The following DPP10 variants were observed in gnomAD, a reference collection of about 807,000 sequenced individuals.
DPP10 encodes dipeptidyl peptidase like 10.
A neutral mutation model predicts 120.9 loss-of-function variants in DPP10; 33 were observed. The observed-to-expected ratio is 0.27, with a 90% confidence interval of 0.21 to 0.37. The LOEUF is 0.37. DPP10 is among the 10% of genes least tolerant of loss of function. The pLI is 1.00. For missense variants in DPP10, 816 were observed against 942.8 expected, an observed-to-expected ratio of 0.87 and a Z score of 1.76; for synonymous variants, 337 against 326.1, an observed-to-expected ratio of 1.03 and a Z score of -0.36.
At chr2:115,797,032 C>T (rs959166450) in intron 19 of DPP10, among the ~76,000 whole-genome samples, 3 of 152,042 alleles carry the variant, frequency 2.0e-5, no homozygotes, top group Non-Finnish European at 4.4e-5. Context: ...TGACTTGAAT[C>T]AGAAGAGGCT....
intron 1 of DPP10, among the ~76,000 whole-genome samples, chr2:114,902,326 A>T (rs777143526): frequency 6.6e-6 from 1 of 152,186 alleles, no homozygotes; most frequent in Non-Finnish European, 1.5e-5. Flanking sequence ...CATTTATTGA[A>T]GAACTGTCTC....
chr2:114,796,978 T>C (rs535657107), intron 1 of DPP10, among the ~76,000 whole-genome samples: 21 of 152,156 alleles, frequency 1.4e-4, no homozygotes, highest in Non-Finnish European at 2.4e-4. Flanking sequence ...GGTTTGATCA[T>C]AGAACTCTAC....
At chr2:115,476,390 C>T (rs1293095290) in intron 3 of DPP10, among the ~76,000 whole-genome samples, 1 of 152,036 alleles carries the variant, frequency 6.6e-6, no homozygotes, top group African/African-American at 2.4e-5. Flanking sequence ...AAAGTAGAAG[C>T]CACTATACTT....
intron 1 of DPP10, among the ~76,000 whole-genome samples, chr2:114,535,564 T>C (rs1018934969): frequency 7.9e-5 from 12 of 152,224 alleles, no homozygotes; most frequent in Non-Finnish European, 1.8e-4. Flanking sequence ...AACCAGCGAA[T>C]GTTCCTTAAC....
chr2:114,543,786 C>T (rs749714270), intron 1 of DPP10, among the ~76,000 whole-genome samples: 1 of 151,898 alleles, frequency 6.6e-6, no homozygotes, highest in Non-Finnish European at 1.5e-5. Context: ...AGAAACTGCC[C>T]AGCATCTGCT....
At chr2:114,512,744 G>A (rs1361977467) in intron 1 of DPP10, among the ~76,000 whole-genome samples, 1 of 152,196 alleles carries the variant, frequency 6.6e-6, no homozygotes, top group Non-Finnish European at 1.5e-5. Context: ...AGCATATTTA[G>A]AACTGGATTT....
At chr2:115,366,400 TCTTTA>T (rs1447662119) in intron 3 of DPP10, among the ~76,000 whole-genome samples, 2 of 152,124 alleles carry the variant, frequency 1.3e-5, no homozygotes, top group Non-Finnish European at 2.9e-5. Flanking sequence ...TATTCCTTCT[TCTTTA>T]CTTTATTATA....
chr2:115,788,892 GGA>G (rs1484041535), intron 17 of DPP10, among the ~76,000 whole-genome samples: 1 of 152,116 alleles, frequency 6.6e-6, no homozygotes. Context: ...CGAGGCGGGT[GGA>G]GATCGTGAGG....
chr2:114,456,344 G>C (rs966178069), intron 1 of DPP10, among the ~76,000 whole-genome samples: 6 of 152,222 alleles, frequency 3.9e-5, no homozygotes, highest in African/African-American at 1.4e-4. Context: ...CACAAATCTG[G>C]ATGACCAGTG....
At chr2:114,752,367 T>C (rs1170843484) in intron 1 of DPP10, among the ~76,000 whole-genome samples, 1 of 152,094 alleles carries the variant, frequency 6.6e-6, no homozygotes, top group Non-Finnish European at 1.5e-5. Flanking sequence ...TTTTAGACAC[T>C]GAAATTCTAT....
chr2:115,029,204 G>A (rs1703674313), intron 1 of DPP10, among the ~76,000 whole-genome samples: 1 of 151,342 alleles, frequency 6.6e-6, no homozygotes, highest in Admixed American at 6.6e-5. Context: ...TTAATTTGTT[G>A]CTTTTTATTT....
At chr2:115,001,035 G>T (rs1176872286) in intron 1 of DPP10, among the ~76,000 whole-genome samples, 2 of 152,124 alleles carry the variant, frequency 1.3e-5, no homozygotes, top group Non-Finnish European at 2.9e-5. Flanking sequence ...AGAAAATGTA[G>T]AACCTATCAA....
intron 7 of DPP10, among the ~76,000 whole-genome samples, chr2:115,725,465 A>G (rs1443120958): frequency 6.6e-6 from 1 of 152,192 alleles, no homozygotes; most frequent in African/African-American, 2.4e-5. Context: ...GTGGCATGGC[A>G]TTAGAATTCT....
Position 114,721,024 on chromosome 2 carries a change from G to C in DPP10, c.60+278186G>C, listed in dbSNP as rs201640277. Among the ~76,000 whole-genome samples, 8 of 151,990 alleles carry C rather than the reference G, an allele frequency of 5.3e-5. No homozygotes were observed. The East Asian group carries it at 1.5e-3, about 29-fold the overall frequency. The stretch of plus-strand genomic sequence containing the variant: ...GCATTAACAAGAAACACTTTTGAGG[G>C]CTAAGCCCCTGTGTATTACAGTTTA... On this transcript the variant is annotated intron_variant, in intron 1 of 25. Transcript: ENST00000410059.
rs60298358 is a variant in DPP10 at position 114,942,378 on chromosome 2, CATAT to C, written c.61-366851_61-366848del. Among the ~76,000 whole-genome samples the C allele has an allele frequency of 5.2e-3, 628 of 120,964 alleles. 7 individuals are homozygous for C. Among genetic ancestry groups the C allele is most frequent in the African/African-American group, 0.019 (574 of 30,478 alleles). The allele number at this position is 120,964 out of a possible 152,430, so 79.4% of individuals were successfully genotyped here. A position where few individuals can be genotyped will look rare whatever the true frequency, so the allele number is the denominator to read the frequency against. ...ATATATATACATATATATACACACA[CATAT>C]ATATATATACACACACACACATATA... On this transcript the variant is annotated intron_variant, in intron 1 of 25. Transcript: ENST00000410059.
chr2:115,118,298 T>C (rs1221840615), intron 1 of DPP10, among the ~76,000 whole-genome samples: 1 of 152,230 alleles, frequency 6.6e-6, no homozygotes, highest in Non-Finnish European at 1.5e-5. Flanking sequence ...AGACCATTTA[T>C]TTACTCCAAA....
chr2:115,222,739 A>T (rs1343636443), intron 1 of DPP10, among the ~76,000 whole-genome samples: 3 of 152,190 alleles, frequency 2.0e-5, no homozygotes, highest in African/African-American at 7.2e-5. Flanking sequence ...ATTAAAAAAA[A>T]GCAAATAAAA....
At chr2:114,469,398 C>T (rs145986250) in intron 1 of DPP10, among the ~76,000 whole-genome samples, 1 of 152,160 alleles carries the variant, frequency 6.6e-6, no homozygotes, top group African/African-American at 2.4e-5. Context: ...GTTTAACCTT[C>T]AGCCAGGAGA....
At chr2:114,462,186 TTGA>T in intron 1 of DPP10, 1 of 982,768 alleles carries the variant, frequency 1.0e-6, no homozygotes, top group East Asian at 1.1e-4. Flanking sequence ...TTAGAATAGT[TTGA>T]TATTTACCGA....
Sources: gnomAD v4.1 joint callset for allele counts (sites outside exome capture counted in the v4.1 genomes callset) on GRCh38, gnomAD v4.1.1 for gene constraint, MANE v1.5 for transcripts, NCBI Gene and HGNC (gene_info 2026-07-23, HGNC 2026-07-21) for gene names.